SPAG9: variants seen among roughly 807,000 people sequenced by gnomAD.
SPAG9 encodes the protein C-Jun-amino-terminal kinase-interacting protein 4.
A neutral mutation model predicts 166.5 loss-of-function variants in SPAG9; 35 were observed. The ratio of observed to expected loss-of-function variants is 0.21; its 90% CI spans 0.16 to 0.28. The LOEUF is 0.28. SPAG9 is among the 10% of genes least tolerant of loss of function. SPAG9 has a pLI of 1.00. For synonymous variants in SPAG9, 534 were observed against 565.5 expected, an observed-to-expected ratio of 0.94 and a Z score of 0.79; for missense variants, 1,235 against 1,603.3, an observed-to-expected ratio of 0.77 and a Z score of 3.92.
chr17:51,055,062 C>T (rs185046242), intron 3 of SPAG9, among the ~76,000 whole-genome samples: 5 of 152,180 alleles, frequency 3.3e-5, no homozygotes, highest in African/African-American at 1.2e-4. Context: ...AAATAAACAG[C>T]AACGTCCAGG....
intron 3 of SPAG9, among the ~76,000 whole-genome samples, chr17:51,048,566 C>A (rs893355135): frequency 2.0e-5 from 3 of 151,662 alleles, no homozygotes; most frequent in Non-Finnish European, 4.4e-5. Flanking sequence ...GCATTTCAAT[C>A]TCTTTATAAC....
chr17:51,021,421 A>G, intron 6 of SPAG9, 56 bp from the exon 7 acceptor site: 1 of 1,327,944 alleles, frequency 7.5e-7, no homozygotes, highest in Non-Finnish European at 1.0e-6. Context: ...ACTCTAAACC[A>G]CATTAAATGG....
At position 51,020,519 on chromosome 17, in the gene SPAG9, T is replaced by C. The variant is rs977395424; in HGVS notation, c.992-261A>G. 4.6e-5 allele frequency among the ~76,000 whole-genome samples: 7 copies of C among 152,210 alleles called. No individual in the cohort carries two copies. In the South Asian group the frequency reaches 8.3e-4, roughly 18 times the overall value. On this transcript the variant is annotated intron_variant, in intron 7 of 29. Transcript: ENST00000262013. ...GTACAATGTATCCAAGGCCCTGCTT[T>C]CATTCTTATTTAAAAGATGGAATTT...
chr17:51,077,025 GCTAT>G (rs370909859), intron 2 of SPAG9, among the ~76,000 whole-genome samples: 1,274 of 86,002 alleles, frequency 0.015, 26 homozygotes, highest in African/African-American at 0.045. Context: ...TAGCTATCTA[GCTAT>G]CTATCTAGCT....
intron 28 of SPAG9, among the ~76,000 whole-genome samples, chr17:50,974,524 A>C (rs1974079306): frequency 6.6e-6 from 1 of 152,206 alleles, no homozygotes; most frequent in South Asian, 2.1e-4. Flanking sequence ...TGCTTTTCAA[A>C]AGTAAGCAAG....
At chr17:50,971,381 C>A (rs1290858390) in intron 28 of SPAG9, among the ~76,000 whole-genome samples, 1 of 148,938 alleles carries the variant, frequency 6.7e-6, no homozygotes, top group African/African-American at 2.5e-5. Context: ...AATTTTGTAA[C>A]AAAGCAGGAA....
At chr17:51,101,025 G>T (rs930193884) in intron 1 of SPAG9, among the ~76,000 whole-genome samples, 22 of 152,018 alleles carry the variant, frequency 1.4e-4, no homozygotes, top group African/African-American at 3.9e-4. Context: ...TTTTCACAGA[G>T]AAACCATAGG....
At chr17:50,975,311 A>C (rs557614674) in intron 27 of SPAG9, 1 of 204,966 alleles carries the variant, frequency 4.9e-6, no homozygotes, top group East Asian at 1.6e-4. Context: ...ATACAGTTTA[A>C]AGTAAATGGG....
chr17:51,024,221 C>T (rs548049536), intron 6 of SPAG9, among the ~76,000 whole-genome samples: 1 of 151,712 alleles, frequency 6.6e-6, no homozygotes, highest in Non-Finnish European at 1.5e-5. Flanking sequence ...GATCGCACCA[C>T]CGCACTCCAG....
chr17:51,088,120 A>C (rs1350343977), intron 1 of SPAG9, among the ~76,000 whole-genome samples: 2 of 152,134 alleles, frequency 1.3e-5, no homozygotes, highest in African/African-American at 4.8e-5. Flanking sequence ...ATTTCCACTT[A>C]ACACACTAAC....
chr17:51,053,110 T>C (rs1466002668), intron 3 of SPAG9, among the ~76,000 whole-genome samples: 1 of 151,566 alleles, frequency 6.6e-6, no homozygotes, highest in African/African-American at 2.4e-5. Context: ...TTTAATAATT[T>C]TCAATTATTA....
intron 28 of SPAG9, among the ~76,000 whole-genome samples, chr17:50,974,283 G>A (rs188525227): frequency 5.9e-5 from 9 of 152,306 alleles, no homozygotes; most frequent in Non-Finnish European, 5.9e-5. Context: ...ACCTAGGAGT[G>A]AGGAAATGAG....
In SPAG9 at chr17:50,974,921, T is replaced by C. The variant is rs544511911; in HGVS notation, c.3550A>G (p.Asn1184Asp). 4 of 1,610,462 alleles carry C rather than the reference T, an allele frequency of 2.5e-6. No homozygotes were observed. The highest frequency in any genetic ancestry group is 3.4e-6 in the Non-Finnish European group (4 of 1,179,180). ...ACACGGATTACACTTCCAGGACGAT[T>C]TCCTGGTACACCTGAGGTTTTATTT... ...ETNKTSGVPG[N>D]RPGSVIRVYG... The change falls in exon 28 of 30, where the codon AAT becomes GAT. Residue 1184 changes from asparagine to aspartate, a missense_variant. Around this residue, in one of 6 missense-constraint regions of SPAG9, gnomAD observed 243 missense variants for 358.6 expected, o/e 0.68. Transcript: ENST00000262013.
intron 26 of SPAG9, among the ~76,000 whole-genome samples, chr17:50,979,432 A>G (rs975000808): frequency 6.6e-6 from 1 of 151,770 alleles, no homozygotes; most frequent in African/African-American, 2.4e-5. Context: ...GACACTTTCA[A>G]TGATAAAAGT....
Position 50,996,822 on chromosome 17 carries a change from T to C in SPAG9, c.1839-128A>G, listed in dbSNP as rs2044703121. ...TTTACATGATTTCAAATTAGTTTAT[T>C]TCAACTATAACAGCTCCTTAAAAAG... On this transcript the variant is annotated intron_variant, in intron 15 of 29. Coordinates refer to ENST00000262013, the MANE Select transcript of SPAG9 (RefSeq NM_001130528.3). 3 of 911,478 alleles carry C rather than the reference T, an allele frequency of 3.3e-6. No individual in the cohort carries two copies. The African/African-American group carries it at 5.0e-5, about 15-fold the overall frequency. The allele number at this position is 911,478 out of a possible 1,614,324, so 56.5% of individuals were successfully genotyped here.
chr17:51,085,047 C>T (rs1210185382), intron 1 of SPAG9, among the ~76,000 whole-genome samples: 1 of 152,018 alleles, frequency 6.6e-6, no homozygotes, highest in Admixed American at 6.6e-5. Flanking sequence ...GATGTGGTTT[C>T]ACCTTGTTGG....
At chr17:51,066,701 G>A (rs2047681767) in intron 2 of SPAG9, among the ~76,000 whole-genome samples, 1 of 151,440 alleles carries the variant, frequency 6.6e-6, no homozygotes, top group Admixed American at 6.6e-5. Context: ...AGACCATCCT[G>A]GCCAACATGG....
At chr17:51,014,128 G>C in intron 9 of SPAG9, 104 bp downstream of exon 9, 2 of 967,066 alleles carry the variant, frequency 2.1e-6, no homozygotes, top group Non-Finnish European at 2.9e-6. Context: ...CAATAACCCT[G>C]TATCACTGAG....
At chr17:50,990,100 T>C in intron 20 of SPAG9, 1 of 563,064 alleles carries the variant, frequency 1.8e-6, no homozygotes, top group East Asian at 3.1e-5. Flanking sequence ...TGATCTTGGC[T>C]CACTGCAAGC....
Sources: allele counts gnomAD v4.1 joint callset (sites outside exome capture counted in the v4.1 genomes callset), GRCh38; gene constraint gnomAD v4.1.1; regional missense constraint gnomAD v4.1.1; transcripts MANE v1.5; gene names NCBI Gene and HGNC (gene_info 2026-07-23, HGNC 2026-07-21).